The following TTC39C variants were observed in gnomAD, a reference collection of about 807,000 sequenced individuals.
The protein encoded by TTC39C is tetratricopeptide repeat protein 39C.
A neutral mutation model predicts 76.3 loss-of-function variants in TTC39C; 33 were observed. That is an observed-to-expected ratio of 0.43 (90% CI 0.33 to 0.58). TTC39C has a LOEUF of 0.58. Among genes scored for constraint, TTC39C ranks in the 20% least tolerant of loss-of-function variants. The pLI is 0.04. For synonymous variants in TTC39C, 254 were observed against 260.6 expected, an observed-to-expected ratio of 0.97 and a Z score of 0.24; for missense variants, 595 against 701.4, an observed-to-expected ratio of 0.85 and a Z score of 1.71.
intron 8 of TTC39C, among the ~76,000 whole-genome samples, chr18:24,120,832 T>C (rs2145819039): frequency 6.6e-6 from 1 of 151,958 alleles, no homozygotes; most frequent in East Asian, 1.9e-4. Context: ...GCATAATGTC[T>C]TCAAGGTTCA....
intron 6 of TTC39C, 39 bp from the exon 7 acceptor site, chr18:24,114,515 A>G (rs760378299): frequency 1.4e-6 from 2 of 1,430,814 alleles, no homozygotes; most frequent in East Asian, 2.3e-5. Flanking sequence ...TGTTATCGAC[A>G]GATCTTAGCT....
intron 6 of TTC39C, among the ~76,000 whole-genome samples, chr18:24,102,199 G>A (rs1349615306): frequency 2.0e-5 from 3 of 152,186 alleles, no homozygotes; most frequent in Non-Finnish European, 2.9e-5. Context: ...AGCACTTTCC[G>A]TCACAAATGT....
intron 6 of TTC39C, among the ~76,000 whole-genome samples, chr18:24,108,312 A>C (rs1490812882): frequency 6.6e-6 from 1 of 152,206 alleles, no homozygotes; most frequent in Admixed American, 6.5e-5. Context: ...GAAACTGCTC[A>C]CTTGGGAAGC....
At chr18:24,020,006 G>C in intron 1 of TTC39C, 3 of 1,434,734 alleles carry the variant, frequency 2.1e-6, no homozygotes, top group Non-Finnish European at 2.7e-6. Context: ...AGGACTTGCA[G>C]GCTGTCCATG....
intron 1 of TTC39C, among the ~76,000 whole-genome samples, chr18:24,007,745 A>G (rs2083365423): frequency 6.6e-6 from 1 of 152,206 alleles, no homozygotes; most frequent in Non-Finnish European, 1.5e-5. Flanking sequence ...TGCATTAACA[A>G]TAGTGAACAT....
At chr18:24,047,410 C>G (rs1483976977) in intron 1 of TTC39C, among the ~76,000 whole-genome samples, 2 of 152,146 alleles carry the variant, frequency 1.3e-5, no homozygotes, top group African/African-American at 2.4e-5. Flanking sequence ...ATATATATTT[C>G]TTAATATCAG....
intron 1 of TTC39C, among the ~76,000 whole-genome samples, chr18:23,994,994 A>AACTATATACACAC (rs2083249862): frequency 6.6e-6 from 1 of 152,094 alleles, no homozygotes; most frequent in Non-Finnish European, 1.5e-5. Context: ...ATGTGTGTAT[A>AACTATATACACAC]GTTCTCTGTC....
intron 2 of TTC39C, 94 bp from the exon 3 acceptor site, chr18:24,065,918 A>G: frequency 1.6e-6 from 2 of 1,263,914 alleles, no homozygotes; most frequent in South Asian, 1.6e-5. Flanking sequence ...TAAATAATTT[A>G]AGTGTTTTTT....
intron 6 of TTC39C, among the ~76,000 whole-genome samples, chr18:24,091,400 C>T (rs752046963): frequency 6.6e-6 from 1 of 152,162 alleles, no homozygotes; most frequent in Non-Finnish European, 1.5e-5. Context: ...AGAGATCATG[C>T]CACTGCACTC....
At position 24,018,752 on chromosome 18, in the gene TTC39C, G is replaced by A. The variant is rs534270243; in HGVS notation, c.167+3714G>A. Among the ~76,000 whole-genome samples the A allele has an allele frequency of 2.6e-3, 389 of 152,202 alleles. 2 individuals are homozygous for A. Among genetic ancestry groups the A allele is most frequent in the African/African-American group, 8.9e-3 (368 of 41,508 alleles). On this transcript the variant is annotated intron_variant, in intron 1 of 13. Coordinates refer to ENST00000317571, the MANE Select transcript of TTC39C (RefSeq NM_001135993.2). ...ATGTGAGAGGTGGTGAGGTTTAAAC[G>A]GAAACCTAGGAGAGGAAACAGCGGA...
chr18:24,059,447 T>C (rs368709267), intron 1 of TTC39C, among the ~76,000 whole-genome samples: 10 of 152,212 alleles, frequency 6.6e-5, no homozygotes, highest in Admixed American at 2.0e-4. Context: ...CTCCCACTTA[T>C]AGGTCAGAAC....
intron 3 of TTC39C, among the ~76,000 whole-genome samples, chr18:24,067,995 G>A (rs2084188712): frequency 6.6e-6 from 1 of 152,038 alleles, no homozygotes; most frequent in Admixed American, 6.6e-5. Context: ...GCCCTGTTGA[G>A]TGTGTCTCCT....
chr18:23,997,641 G>A (rs2083274755), intron 1 of TTC39C, among the ~76,000 whole-genome samples: 1 of 107,408 alleles, frequency 9.3e-6, no homozygotes, highest in African/African-American at 3.7e-5. Context: ...GAGAGGGAGG[G>A]AGGAAGGAAG....
intron 1 of TTC39C, among the ~76,000 whole-genome samples, chr18:24,045,895 A>ATATATATATATATATGTATATGTATATG (rs2083863602): frequency 2.4e-5 from 1 of 42,376 alleles, no homozygotes; most frequent in South Asian, 8.7e-4. Flanking sequence ...CTGTGAAAAT[A>ATATATATATATATATGTATATGTATATG]TATATATATA....
At chr18:24,125,330 T>C (rs1301807102) in intron 9 of TTC39C, 97 bp from the exon 10 acceptor site, 23 of 1,448,770 alleles carry the variant, frequency 1.6e-5, no homozygotes, top group South Asian at 6.3e-5. Context: ...GTCATTCACA[T>C]TGATGATGAA....
intron 11 of TTC39C, 127 bp downstream of exon 11, chr18:24,129,110 A>G: frequency 1.7e-6 from 1 of 590,438 alleles, no homozygotes; most frequent in Non-Finnish European, 2.8e-6. Context: ...TTATCCAATT[A>G]TTTGATTAAT....
At chr18:24,087,710 G>A (rs1414465518) in intron 6 of TTC39C, among the ~76,000 whole-genome samples, 2 of 151,124 alleles carry the variant, frequency 1.3e-5, no homozygotes, top group African/African-American at 2.4e-5. Context: ...TCAGCCTCCC[G>A]AGTAGCTGGG....
chr18:23,994,693 T>C (rs1467269029), intron 1 of TTC39C, among the ~76,000 whole-genome samples: 1 of 152,184 alleles, frequency 6.6e-6, no homozygotes, highest in African/African-American at 2.4e-5. Context: ...GGGCTGTATC[T>C]TGGACGGCTG....
rs11307092 is a variant in TTC39C at position 24,131,712 on chromosome 18, C to CA, written c.1624-154dup. On this transcript the variant is annotated intron_variant, in intron 12 of 13. Coordinates refer to ENST00000317571, the MANE Select transcript of TTC39C (RefSeq NM_001135993.2). ...TGGACAACAGAGTGAAACTCCATCTCAAAAAAAAAAAAAAAAGAAGAATAT... is the reference window on the plus strand; with the variant it reads ...TGGACAACAGAGTGAAACTCCATCTCAAAAAAAAAAAAAAAAAGAAGAATAT... Among the ~76,000 whole-genome samples, 677 of 122,296 alleles carry CA rather than the reference C, an allele frequency of 5.5e-3. 4 individuals carry two copies. The highest frequency in any genetic ancestry group is 0.02 in the African/African-American group (582 of 28,456). 80.2% of individuals were successfully genotyped at this position (122,296 alleles called of 152,430 possible). A position where few individuals can be genotyped will look rare whatever the true frequency, so the allele number is the denominator to read the frequency against.
Sources: allele counts gnomAD v4.1 joint callset (sites outside exome capture counted in the v4.1 genomes callset), GRCh38; gene constraint gnomAD v4.1.1; transcripts MANE v1.5; gene names NCBI Gene and HGNC (gene_info 2026-07-23, HGNC 2026-07-21).